Variants in BABAM2 observed in about 807,000 individuals in gnomAD.
BABAM2 encodes BRISC and BRCA1-A complex member 2.
BABAM2 carries 31 observed loss-of-function variants against 54.7 expected under a neutral mutation model. The ratio of observed to expected loss-of-function variants is 0.57; its 90% CI spans 0.43 to 0.77. BABAM2 has a LOEUF of 0.77. Ranked by LOEUF, BABAM2 falls within the 30% of genes least tolerant of loss-of-function variation. The pLI is 0.00. For synonymous variants in BABAM2, 167 were observed against 162.9 expected, an observed-to-expected ratio of 1.03 and a Z score of -0.19; for missense variants, 364 against 455.8, an observed-to-expected ratio of 0.80 and a Z score of 1.83.
intron 2 of BABAM2, among the ~76,000 whole-genome samples, chr2:27,911,901 A>G (rs1471161963): frequency 6.6e-6 from 1 of 152,120 alleles, no homozygotes; most frequent in Non-Finnish European, 1.5e-5. Context: ...TCCTCCAAGT[A>G]TTTTTCCTTT....
chr2:27,967,090 C>T (rs1007619032), intron 3 of BABAM2, among the ~76,000 whole-genome samples: 125 of 152,232 alleles, frequency 8.2e-4, no homozygotes, highest in African/African-American at 2.9e-3. Flanking sequence ...CATTGAACAG[C>T]CAAGCTTCCT....
intron 10 of BABAM2, among the ~76,000 whole-genome samples, chr2:28,262,313 T>C (rs564341736): frequency 8.5e-5 from 13 of 152,300 alleles, no homozygotes; most frequent in African/African-American, 2.9e-4. Flanking sequence ...CAAGGAGTTA[T>C]TGAAGAGTGC....
intron 3 of BABAM2, among the ~76,000 whole-genome samples, chr2:27,960,860 C>T (rs531045810): frequency 1.3e-5 from 2 of 152,274 alleles, no homozygotes; most frequent in South Asian, 2.1e-4. Flanking sequence ...ACAATAATAA[C>T]CTGCTTCTCA....
chr2:27,980,194 G>A (rs554389036), intron 3 of BABAM2, among the ~76,000 whole-genome samples: 1 of 152,094 alleles, frequency 6.6e-6, no homozygotes, highest in South Asian at 2.1e-4. Flanking sequence ...TCGCCTTATA[G>A]CACCTCTGAT....
At chr2:28,128,261 CAT>C (rs1175943820) in intron 6 of BABAM2, among the ~76,000 whole-genome samples, 2 of 152,156 alleles carry the variant, frequency 1.3e-5, no homozygotes, top group African/African-American at 2.4e-5. Context: ...GTGTTTAACA[CAT>C]ATTAAGTGTT....
rs527625784 is a variant in BABAM2, at chr2:28,327,680, C to G, written c.1089-10770C>G. On this transcript the variant is annotated intron_variant, in intron 11 of 11. Coordinates refer to ENST00000379624, the MANE Select transcript of BABAM2 (RefSeq NM_199191.3). ...TATCTCAAACGCAAGGCAGACATAG[C>G]CCAGCCTGAGGTTGGAGGCCCGGCA... Among the ~76,000 whole-genome samples the G allele has an allele frequency of 3.3e-5, 5 of 152,288 alleles. No individual in the cohort carries two copies. The South Asian group carries it at 1.0e-3, about 32-fold the overall frequency.
At chr2:28,023,451 C>A (rs184548563) in intron 4 of BABAM2, among the ~76,000 whole-genome samples, 2 of 152,252 alleles carry the variant, frequency 1.3e-5, no homozygotes, top group African/African-American at 4.8e-5. Context: ...AAGTTCTATA[C>A]GGTGCTGTTA....
chr2:28,269,710 A>G (rs1301250620), intron 10 of BABAM2, among the ~76,000 whole-genome samples: 1 of 152,238 alleles, frequency 6.6e-6, no homozygotes, highest in East Asian at 1.9e-4. Context: ...TTTCTACCTT[A>G]TCTGTCTTCT....
chr2:28,034,602 G>A (rs1246965653), intron 5 of BABAM2, among the ~76,000 whole-genome samples: 2 of 152,218 alleles, frequency 1.3e-5, no homozygotes, highest in East Asian at 3.9e-4. Flanking sequence ...AGAGAGCAAG[G>A]TAAAAGTGAA....
At chr2:27,949,792 G>C (rs1462566251) in intron 3 of BABAM2, among the ~76,000 whole-genome samples, 1 of 152,104 alleles carries the variant, frequency 6.6e-6, no homozygotes, top group Non-Finnish European at 1.5e-5. Context: ...GTTGAAAAGG[G>C]AATTGAAAAC....
chr2:28,248,201 C>CT (rs199801584), intron 10 of BABAM2, among the ~76,000 whole-genome samples: 1 of 25,286 alleles, frequency 4.0e-5, no homozygotes, highest in Admixed American at 6.6e-4. Flanking sequence ...TGTTTATTTT[C>CT]TTTTTCTTTT....
At chr2:28,125,706 C>T (rs1409225111) in intron 6 of BABAM2, among the ~76,000 whole-genome samples, 1 of 152,186 alleles carries the variant, frequency 6.6e-6, no homozygotes, top group African/African-American at 2.4e-5. Flanking sequence ...ATAAGTTCCA[C>T]TACTAACAAA....
rs1023580516 is a variant in BABAM2, at chr2:28,327,514, G to A, written c.1089-10936G>A. ...ATTCATCCCAATACTTTGATGTCTAGAAATGGATCTCAGTCAGTTGTTGTT... is the reference window on the plus strand; with the variant it reads ...ATTCATCCCAATACTTTGATGTCTAAAAATGGATCTCAGTCAGTTGTTGTT... On this transcript the variant is annotated intron_variant, in intron 11 of 11. Transcript: ENST00000379624. 4.1e-6 allele frequency: 6 copies of A among 1,464,420 alleles called. No homozygotes were observed. The African/African-American group carries it at 8.5e-5, about 21-fold the overall frequency. 90.7% of individuals were successfully genotyped at this position (1,464,420 alleles called of 1,614,324 possible). A position where few individuals can be genotyped will look rare whatever the true frequency, so the allele number is the denominator to read the frequency against.
In BABAM2 at chr2:28,129,391, T is replaced by C; in HGVS notation, c.680+11T>C. The C allele has an allele frequency of 3.7e-6, 6 of 1,600,630 alleles. No individual in the cohort carries two copies. The highest frequency in any genetic ancestry group is 5.1e-6 in the Non-Finnish European group (6 of 1,167,692). On this transcript the variant is annotated intron_variant, in intron 7 of 11. Coordinates refer to ENST00000379624, the MANE Select transcript of BABAM2 (RefSeq NM_199191.3). ...ACCTCGAATTGAGCAGTAAGTGTCA[T>C]TAACATGAGGTAGCCTGGTGCTACT...
At chr2:28,266,977 G>A (rs1685035529) in intron 10 of BABAM2, among the ~76,000 whole-genome samples, 1 of 152,198 alleles carries the variant, frequency 6.6e-6, no homozygotes, top group Non-Finnish European at 1.5e-5. Context: ...TCAACATGGT[G>A]AAAGCCCATT....
intron 7 of BABAM2, among the ~76,000 whole-genome samples, chr2:28,147,974 C>T (rs879321481): frequency 6.6e-6 from 1 of 152,164 alleles, no homozygotes; most frequent in Non-Finnish European, 1.5e-5. Context: ...GATATTATCA[C>T]TCCAACTGAA....
chr2:27,945,208 T>C (rs917324438), intron 3 of BABAM2, among the ~76,000 whole-genome samples: 1 of 152,054 alleles, frequency 6.6e-6, no homozygotes, highest in Admixed American at 6.6e-5. Context: ...TATTTTATTT[T>C]TGTAGAGACG....
chr2:28,182,356 C>T (rs921336983), intron 7 of BABAM2, among the ~76,000 whole-genome samples: 5 of 152,054 alleles, frequency 3.3e-5, no homozygotes, highest in Non-Finnish European at 7.4e-5. Context: ...AAGAGTTGGG[C>T]GATTATGTTA....
intron 6 of BABAM2, among the ~76,000 whole-genome samples, chr2:28,048,026 T>TAATTACTAG (rs1234870144): frequency 2.6e-5 from 4 of 152,372 alleles, no homozygotes; most frequent in Non-Finnish European, 4.4e-5. Context: ...GCTCCTCATC[T>TAATTACTAG]AATTACTAGG....
Sources: gnomAD v4.1 joint callset for allele counts (sites outside exome capture counted in the v4.1 genomes callset) on GRCh38, gnomAD v4.1.1 for gene constraint, MANE v1.5 for transcripts, NCBI Gene and HGNC (gene_info 2026-07-23, HGNC 2026-07-21) for gene names.